Variants in ACSL6 observed in about 807,000 individuals in gnomAD.
The protein encoded by ACSL6 is long-chain-fatty-acid--CoA ligase 6.
ACSL6 carries 47 observed loss-of-function variants against 98.2 expected under a neutral mutation model. That is an observed-to-expected ratio of 0.48 (90% CI 0.38 to 0.61). The LOEUF (loss-of-function observed/expected upper bound fraction) is 0.61. ACSL6 is among the 20% of genes least tolerant of loss of function. The pLI is 0.00. For missense variants in ACSL6, 761 were observed against 913.4 expected, an observed-to-expected ratio of 0.83 and a Z score of 2.15; for synonymous variants, 362 against 336.9, an observed-to-expected ratio of 1.07 and a Z score of -0.82.
In ACSL6 at chr5:131,957,456, A is replaced by G. The variant is rs1306087491; in HGVS notation, c.2031+2080T>C. Among the ~76,000 whole-genome samples the G allele has an allele frequency of 2.0e-5, 3 of 152,256 alleles. No individual in the cohort carries two copies. In the East Asian group the frequency reaches 5.8e-4, roughly 29 times the overall value. On this transcript the variant is annotated intron_variant, in intron 20 of 20. Coordinates refer to ENST00000651883, the MANE Select transcript of ACSL6 (RefSeq NM_001009185.3). ...GCCACCTATCTACTCATTAAAATATATCTTCCAAAGATCTCCATAAATTAA... is the reference window on the plus strand; with the variant it reads ...GCCACCTATCTACTCATTAAAATATGTCTTCCAAAGATCTCCATAAATTAA...
intron 14 of ACSL6, among the ~76,000 whole-genome samples, chr5:131,971,190 C>T (rs1442328663): frequency 2.1e-4 from 32 of 152,198 alleles, no homozygotes; most frequent in Admixed American, 2.1e-3. Context: ...TTCTCCTTTT[C>T]TGGGTTGCAA....
At chr5:132,007,653 A>T (rs1283123998) in intron 1 of ACSL6, among the ~76,000 whole-genome samples, 1 of 152,200 alleles carries the variant, frequency 6.6e-6, no homozygotes, top group Non-Finnish European at 1.5e-5. Flanking sequence ...GGAGAATCAT[A>T]GACAGGGTGC....
rs11557376 is a variant in ACSL6 at position 131,953,850 on chromosome 5, T to C, written c.*384A>G. ...AATGAGGTAGTCCACATTGCCTAGATATTTGCTGCATCTGGTTACTGATTC... is the reference window on the plus strand; with the variant it reads ...AATGAGGTAGTCCACATTGCCTAGACATTTGCTGCATCTGGTTACTGATTC... On this transcript the variant is annotated 3_prime_UTR_variant, in exon 21 of 21. Transcript: ENST00000651883. 5.0e-6 allele frequency: 1 copy of C among 200,702 alleles called. No individual in the cohort carries two copies. Among genetic ancestry groups the C allele is most frequent in the South Asian group, 1.9e-4 (1 of 5,286 alleles). The allele number at this position is 200,702 out of a possible 1,614,324, so 12.4% of individuals were successfully genotyped here. A position where few individuals can be genotyped will look rare whatever the true frequency, so the allele number is the denominator to read the frequency against.
In ACSL6 at chr5:131,951,156, TA is replaced by T; in HGVS notation, c.*3077del. The T allele has an allele frequency of 4.8e-6, 1 of 208,262 alleles. No individual in the cohort carries two copies. The highest frequency in any genetic ancestry group is 9.8e-6 in the Non-Finnish European group (1 of 102,256). The allele number at this position is 208,262 out of a possible 1,614,324, so 12.9% of individuals were successfully genotyped here. On this transcript the variant is annotated 3_prime_UTR_variant, in exon 21 of 21. Coordinates refer to ENST00000651883, the MANE Select transcript of ACSL6 (RefSeq NM_001009185.3). ...ATTACTAATACATTTGAATAACAGATAAAAAGGCCAAACATTTAAGAACATA... is the reference window on the plus strand; with the variant it reads ...ATTACTAATACATTTGAATAACAGATAAAAGGCCAAACATTTAAGAACATA...
intron 18 of ACSL6, among the ~76,000 whole-genome samples, chr5:131,961,875 TA>T (rs942597789): frequency 6.6e-6 from 1 of 151,566 alleles, no homozygotes; most frequent in Non-Finnish European, 1.5e-5. Context: ...ATTTGCATAT[TA>T]AAAAAATCAA....
Position 131,988,071 on chromosome 5 carries a change from T to A in ACSL6, c.808A>T (p.Ile270Phe). Reference sequence around the variant, plus strand: ...ACCTCCACGGCCTGCATGGACTTAATGACCACCCCGCACTTCTGCCCTCTC... The same window carrying A: ...ACCTCCACGGCCTGCATGGACTTAAAGACCACCCCGCACTTCTGCCCTCTC... The part of the protein sequence containing the change: ...KERGQKCGVV[I>F]KSMQAVEDCG... The change falls in exon 7 of 21, where the codon ATT becomes TTT. Residue 270 changes from isoleucine to phenylalanine, a missense_variant. Transcript: ENST00000651883. 2 of 1,614,156 alleles carry A rather than the reference T, an allele frequency of 1.2e-6. No individual in the cohort carries two copies. Among genetic ancestry groups the A allele is most frequent in the South Asian group, 1.1e-5 (1 of 91,076 alleles).
rs146638294 is a variant in ACSL6, at chr5:131,998,087, T to C, written c.50-3836A>G. 8.4e-3 allele frequency among the ~76,000 whole-genome samples: 1,281 copies of C among 152,264 alleles called. 14 individuals carry two copies. The highest frequency in any genetic ancestry group is 0.012 in the Non-Finnish European group (836 of 68,014). On this transcript the variant is annotated intron_variant, in intron 1 of 20. Coordinates refer to ENST00000651883, the MANE Select transcript of ACSL6 (RefSeq NM_001009185.3). ...TGACCTCCACACCTCTCTTTTGACCTGGGGTAGGGCTTGGTGGTCTCTAGG... is the reference window on the plus strand; with the variant it reads ...TGACCTCCACACCTCTCTTTTGACCCGGGGTAGGGCTTGGTGGTCTCTAGG...
chr5:131,966,917 T>G (rs929275805), intron 16 of ACSL6, among the ~76,000 whole-genome samples: 2 of 152,218 alleles, frequency 1.3e-5, no homozygotes, highest in African/African-American at 4.8e-5. Context: ...TCATTCCCAC[T>G]TACTCCCATG....
Position 131,988,924 on chromosome 5 carries a change from G to T in ACSL6, c.553-20C>A. On this transcript the variant is annotated intron_variant, in intron 5 of 20. Coordinates refer to ENST00000651883, the MANE Select transcript of ACSL6 (RefSeq NM_001009185.3). ...GATCCACTGTGGAGACACATGAGGCGGGGGTGGGGAAGAAGGGGAGATTAG... is the reference window on the plus strand; with the variant it reads ...GATCCACTGTGGAGACACATGAGGCTGGGGTGGGGAAGAAGGGGAGATTAG... 1 of 1,601,548 alleles carries T rather than the reference G, an allele frequency of 6.2e-7. No homozygotes were observed. Among genetic ancestry groups the T allele is most frequent in the South Asian group, 1.1e-5 (1 of 90,816 alleles).
In ACSL6 at chr5:131,953,460, G is replaced by A. The variant is rs1752248085; in HGVS notation, c.*774C>T. 5.3e-6 allele frequency: 1 copy of A among 188,496 alleles called. No individual in the cohort carries two copies. Among genetic ancestry groups the A allele is most frequent in the Admixed American group, 6.2e-5 (1 of 16,152 alleles). The allele number at this position is 188,496 out of a possible 1,614,324, so 11.7% of individuals were successfully genotyped here. ...TAAAAAAAAAATTTCTATTAGCCAGGTGTGGTGGCATGTGCCTGTACTGTA... is the reference window on the plus strand; with the variant it reads ...TAAAAAAAAAATTTCTATTAGCCAGATGTGGTGGCATGTGCCTGTACTGTA... On this transcript the variant is annotated 3_prime_UTR_variant, in exon 21 of 21. Coordinates refer to ENST00000651883, the MANE Select transcript of ACSL6 (RefSeq NM_001009185.3).
chr5:131,979,026 A>G (rs1356451733), intron 9 of ACSL6, among the ~76,000 whole-genome samples: 3 of 152,246 alleles, frequency 2.0e-5, no homozygotes, highest in Non-Finnish European at 4.4e-5. Flanking sequence ...TCTCTAATAA[A>G]TAGCTGTCAA....
chr5:131,955,186 A>G (rs1168255428), intron 20 of ACSL6, among the ~76,000 whole-genome samples: 6 of 152,228 alleles, frequency 3.9e-5, no homozygotes, highest in African/African-American at 1.2e-4. Context: ...AAAGATGGGC[A>G]TCATCTTTAT....
chr5:131,956,506 C>A (rs1010843484), intron 20 of ACSL6, among the ~76,000 whole-genome samples: 2 of 152,180 alleles, frequency 1.3e-5, no homozygotes, highest in Non-Finnish European at 2.9e-5. Context: ...CAGGTCGGAG[C>A]GGCACTGCTG....
Position 131,953,505 on chromosome 5 carries a change from T to A in ACSL6, c.*729A>T, listed in dbSNP as rs1302572617. On this transcript the variant is annotated 3_prime_UTR_variant, in exon 21 of 21. Coordinates refer to ENST00000651883, the MANE Select transcript of ACSL6 (RefSeq NM_001009185.3). Reference sequence around the variant, plus strand: ...ACTGTAGTCTCAGCTACTTGGGAGGTGAGACAGGAGGATCACTCGAGCCCA... The same window carrying A: ...ACTGTAGTCTCAGCTACTTGGGAGGAGAGACAGGAGGATCACTCGAGCCCA... 1 of 189,632 alleles carries A rather than the reference T, an allele frequency of 5.3e-6. No individual in the cohort carries two copies. Among genetic ancestry groups the A allele is most frequent in the Non-Finnish European group, 1.1e-5 (1 of 90,486 alleles). The allele number at this position is 189,632 out of a possible 1,614,324, so 11.7% of individuals were successfully genotyped here. A position where few individuals can be genotyped will look rare whatever the true frequency, so the allele number is the denominator to read the frequency against.
At chr5:131,999,409 C>G (rs1754955845) in intron 1 of ACSL6, 1 of 152,244 alleles carries the variant, frequency 6.6e-6, no homozygotes, top group Non-Finnish European at 1.5e-5. Context: ...GCATTCACAC[C>G]CTACCTTTCC....
At chr5:131,967,821 C>A (rs1753099279) in intron 16 of ACSL6, 119 bp downstream of exon 16, 1 of 840,968 alleles carries the variant, frequency 1.2e-6, no homozygotes, top group Non-Finnish European at 1.9e-6. Context: ...TCAAATTAAT[C>A]AGTAGTTTAA....
At chr5:131,985,356 C>G in intron 9 of ACSL6, 51 bp downstream of exon 9, 2 of 1,611,594 alleles carry the variant, frequency 1.2e-6, no homozygotes, top group East Asian at 4.5e-5. Flanking sequence ...GCTAGGCCAC[C>G]AGGGAAGGGT....
intron 9 of ACSL6, among the ~76,000 whole-genome samples, chr5:131,981,285 T>A (rs1237459222): frequency 3.5e-5 from 5 of 142,616 alleles, no homozygotes; most frequent in Non-Finnish European, 7.5e-5. Flanking sequence ...CACCAGCTGC[T>A]AATCTTGCTC....
intron 7 of ACSL6, 136 bp downstream of exon 7, chr5:131,987,912 G>A: frequency 8.6e-7 from 1 of 1,167,952 alleles, no homozygotes; most frequent in Non-Finnish European, 1.2e-6. Context: ...TGCAAAGCCT[G>A]CCCTGTCTGG....
Sources: gnomAD v4.1 joint callset for allele counts (sites outside exome capture counted in the v4.1 genomes callset) on GRCh38, gnomAD v4.1.1 for gene constraint, MANE v1.5 for transcripts, NCBI Gene and HGNC (gene_info 2026-07-23, HGNC 2026-07-21) for gene names.